MGRN1: variants seen among roughly 807,000 people sequenced by gnomAD.
MGRN1 encodes the protein E3 ubiquitin-protein ligase MGRN1.
A neutral mutation model predicts 69.2 loss-of-function variants in MGRN1; 29 were observed. That is an observed-to-expected ratio of 0.42 (90% confidence interval 0.31 to 0.57). The LOEUF (loss-of-function observed/expected upper bound fraction) is 0.57. Among genes scored for constraint, MGRN1 ranks in the 20% least tolerant of loss-of-function variants. MGRN1 has a pLI of 0.15. For synonymous variants in MGRN1, 470 were observed against 344.2 expected (o/e 1.37, Z -4.04); for missense variants, 998 against 796.2 (o/e 1.25, Z -3.05).
intron 5 of MGRN1, 50 bp downstream of exon 5, chr16:4,657,413 C>G (rs779308597): frequency 1.9e-6 from 3 of 1,558,808 alleles, no homozygotes; most frequent in African/African-American, 1.4e-5. Context: ...TGAATTCTCT[C>G]CCCTTGGGGG....
chr16:4,625,125 C>G (rs1027429434), intron 1 of MGRN1, 77 bp downstream of exon 1: 8 of 1,317,802 alleles, frequency 6.1e-6, no homozygotes, highest in African/African-American at 1.6e-5. Context: ...GGCGGGGACT[C>G]GGGGCGGGGC....
At chr16:4,645,163 T>TG (rs1567183265) in intron 1 of MGRN1, among the ~76,000 whole-genome samples, 1 of 38,056 alleles carries the variant, frequency 2.6e-5, no homozygotes, top group African/African-American at 9.7e-5. Context: ...GGGGTGGTGG[T>TG]GGGGGGACGG....
chr16:4,647,717 C>T (rs1339236453), intron 1 of MGRN1, among the ~76,000 whole-genome samples: 2 of 152,180 alleles, frequency 1.3e-5, no homozygotes, highest in East Asian at 3.9e-4. Context: ...AGCTTGGTTC[C>T]AGCAGCTGTG....
Position 4,685,769 on chromosome 16 carries a change from A to G in MGRN1, c.1618+1837A>G, listed in dbSNP as rs575533779. Among the ~76,000 whole-genome samples the G allele has an allele frequency of 3.3e-5, 5 of 152,356 alleles. No homozygotes were observed. In the East Asian group the frequency reaches 9.6e-4, roughly 29 times the overall value. ...GTCTATCCGTGTCTGTGCGTAAGGC[A>G]TGAACACACGCCAGAGCCTTTGGTT... is the stretch of plus-strand genomic sequence containing the variant. On this transcript the variant is annotated intron_variant, in intron 16 of 16. Coordinates refer to ENST00000262370, the MANE Select transcript of MGRN1 (RefSeq NM_015246.4).
intron 16 of MGRN1, chr16:4,687,387 A>C: frequency 1.1e-6 from 1 of 922,750 alleles, no homozygotes; most frequent in Non-Finnish European, 1.3e-6. Context: ...TCTATGAAAA[A>C]TAAAAAATTG....
chr16:4,644,013 C>G (rs1453425269), intron 1 of MGRN1, among the ~76,000 whole-genome samples: 2 of 151,828 alleles, frequency 1.3e-5, no homozygotes, highest in Admixed American at 6.6e-5. Context: ...CGCTCTGTTG[C>G]CCAGGCTGGA....
intron 7 of MGRN1, among the ~76,000 whole-genome samples, chr16:4,665,479 C>A (rs149628605): frequency 6.6e-6 from 1 of 151,784 alleles, no homozygotes; most frequent in African/African-American, 2.4e-5. Context: ...AGCGATTCTC[C>A]CACCTCAACC....
At chr16:4,664,833 T>A in intron 6 of MGRN1, 58 bp downstream of exon 6, 1 of 1,589,828 alleles carries the variant, frequency 6.3e-7, no homozygotes, top group Non-Finnish European at 8.6e-7. Context: ...AGGAAGCACG[T>A]CTTGAGGGAG....
intron 5 of MGRN1, among the ~76,000 whole-genome samples, chr16:4,662,146 C>T (rs1269326911): frequency 6.6e-6 from 1 of 152,180 alleles, no homozygotes; most frequent in Admixed American, 6.5e-5. Flanking sequence ...CCTTTCTTCT[C>T]GTCTGTATTT....
intron 16 of MGRN1, among the ~76,000 whole-genome samples, chr16:4,685,555 T>A (rs1438328861): frequency 6.6e-6 from 1 of 152,272 alleles, no homozygotes; most frequent in Non-Finnish European, 1.5e-5. Flanking sequence ...AGTTGGCTGC[T>A]GCTGAATGCC....
chr16:4,637,031 A>C (rs1489772397), intron 1 of MGRN1, among the ~76,000 whole-genome samples: 1 of 150,502 alleles, frequency 6.6e-6, no homozygotes, highest in Non-Finnish European at 1.5e-5. Context: ...AGGCAGGAGA[A>C]TGGCGTGAAC....
At chr16:4,684,193 T>C (rs1230921833) in intron 16 of MGRN1, among the ~76,000 whole-genome samples, 4 of 152,226 alleles carry the variant, frequency 2.6e-5, no homozygotes, top group East Asian at 1.9e-4. Context: ...TGGGGCCACA[T>C]TGGCCACAGG....
chr16:4,654,952 C>T (rs1231839205), intron 4 of MGRN1, among the ~76,000 whole-genome samples: 1 of 152,212 alleles, frequency 6.6e-6, no homozygotes, highest in Non-Finnish European at 1.5e-5. Flanking sequence ...CTTGCCCCGG[C>T]ACTTGATTAT....
At chr16:4,639,244 G>A (rs868465335) in intron 1 of MGRN1, among the ~76,000 whole-genome samples, 1 of 152,114 alleles carries the variant, frequency 6.6e-6, no homozygotes. Context: ...ACAGGTACAC[G>A]AGATAAAGCA....
Position 4,687,021 on chromosome 16 carries a change from C to T in MGRN1, c.1619-1775C>T, listed in dbSNP as rs541079060. On this transcript the variant is annotated intron_variant, in intron 16 of 16. Transcript: ENST00000262370. ...CACACAGCCACCTGCTCCCCCGCTC[C>T]CTCCTTCCCTTGTCAGCATGGCCAC... 762 of 985,644 alleles carry T rather than the reference C, an allele frequency of 7.7e-4. 3 individuals are homozygous for T. The highest frequency in any genetic ancestry group is 2.1e-3 in the Middle Eastern group (4 of 1,914). The allele number at this position is 985,644 out of a possible 1,614,324, so 61.1% of individuals were successfully genotyped here. A position where few individuals can be genotyped will look rare whatever the true frequency, so the allele number is the denominator to read the frequency against.
intron 8 of MGRN1, among the ~76,000 whole-genome samples, chr16:4,670,727 G>A (rs1293449988): frequency 6.6e-6 from 1 of 152,018 alleles, no homozygotes; most frequent in African/African-American, 2.4e-5. Context: ...GAGAGGTGCA[G>A]CAAACTCTAG....
intron 7 of MGRN1, among the ~76,000 whole-genome samples, chr16:4,666,773 C>G (rs573501023): frequency 2.6e-5 from 4 of 152,320 alleles, no homozygotes; most frequent in African/African-American, 9.6e-5. Context: ...TTTCCTGACA[C>G]CACTCAGGAC....
intron 4 of MGRN1, among the ~76,000 whole-genome samples, chr16:4,655,750 C>T (rs528786838): frequency 1.3e-5 from 2 of 152,306 alleles, no homozygotes; most frequent in African/African-American, 4.8e-5. Context: ...AGGCTGTGCC[C>T]AGGCACCCGG....
intron 1 of MGRN1, among the ~76,000 whole-genome samples, chr16:4,636,506 C>T (rs1182247612): frequency 6.6e-6 from 1 of 152,022 alleles, no homozygotes; most frequent in Non-Finnish European, 1.5e-5. Flanking sequence ...AGCCTGATCT[C>T]TTTGGGTGCG....
Sources: allele counts gnomAD v4.1 joint callset (sites outside exome capture counted in the v4.1 genomes callset), GRCh38; gene constraint gnomAD v4.1.1; transcripts MANE v1.5; gene names NCBI Gene and HGNC (gene_info 2026-07-23, HGNC 2026-07-21).